The following LGALS8 variants were observed in gnomAD, a reference collection of about 807,000 sequenced individuals.
LGALS8 encodes the protein galectin-8.
A neutral mutation model predicts 35.9 loss-of-function variants in LGALS8; 30 were observed. That is an observed-to-expected ratio of 0.83 (90% CI 0.62 to 1.13). LGALS8 has a LOEUF of 1.13. LGALS8 is among the 50% of genes most tolerant of loss of function. LGALS8 has a pLI of 0.00. For missense variants in LGALS8, 366 were observed against 388.7 expected, an observed-to-expected ratio of 0.94 and a Z score of 0.49; for synonymous variants, 138 against 136.1, an observed-to-expected ratio of 1.01 and a Z score of -0.10.
chr1:236,535,707 G>A (rs1661446938), intron 2 of LGALS8, among the ~76,000 whole-genome samples: 1 of 152,202 alleles, frequency 6.6e-6, no homozygotes, highest in Non-Finnish European at 1.5e-5. Flanking sequence ...TACACTGTCT[G>A]TTGTATTTTT....
chr1:236,538,101 A>AAAAAAAAAAAAAAAAAAAAAAAAAAAAG lies in LGALS8; in HGVS notation c.134+519_134+520insAAAAAAAAAAAAAAAAAAAAAAAAGAAA, dbSNP rs371245157. On this transcript the variant is annotated intron_variant, in intron 3 of 9. Coordinates refer to ENST00000366584, the MANE Select transcript of LGALS8 (RefSeq NM_201544.4). ...GCCTGGGTGACAAAAAAAAAAAAGAAAAAGAAAAAGAATTAGGTATGTCAT... is the reference window on the plus strand; with the variant it reads ...GCCTGGGTGACAAAAAAAAAAAAGAAAAAAAAAAAAAAAAAAAAAAAAAAAAAGAAAGAAAAAGAATTAGGTATGTCAT... 1.6e-3 allele frequency among the ~76,000 whole-genome samples: 151 copies of AAAAAAAAAAAAAAAAAAAAAAAAAAAAG among 96,032 alleles called. 28 individuals carry two copies. Among genetic ancestry groups the AAAAAAAAAAAAAAAAAAAAAAAAAAAAG allele is most frequent in the Non-Finnish European group, 2.8e-3 (125 of 43,898 alleles). The allele number at this position is 96,032 out of a possible 152,430, so 63.0% of individuals were successfully genotyped here. A position where few individuals can be genotyped will look rare whatever the true frequency, so the allele number is the denominator to read the frequency against.
chr1:236,550,746 C>G lies in LGALS8; in HGVS notation c.*2585C>G. On this transcript the variant is annotated 3_prime_UTR_variant, in exon 10 of 10. Coordinates refer to ENST00000366584, the MANE Select transcript of LGALS8 (RefSeq NM_201544.4). ...GAGAGGCTTATGTGGCAGCACAAGC[C>G]AGGTGGGGATTTTGTAAAGAAGTGA... is the stretch of plus-strand genomic sequence containing the variant. The G allele has an allele frequency of 1.7e-6, 1 of 583,088 alleles. No individual in the cohort carries two copies. Among genetic ancestry groups the G allele is most frequent in the Non-Finnish European group, 3.0e-6 (1 of 335,996 alleles). The allele number at this position is 583,088 out of a possible 1,614,324, so 36.1% of individuals were successfully genotyped here.
rs1328074216 is a variant in LGALS8, at chr1:236,544,988, T to G, written c.804+73T>G. On this transcript the variant is annotated intron_variant, in intron 9 of 9. Transcript: ENST00000366584. Reference sequence around the variant, plus strand: ...GCAGGGGTGGGATAAGTGGTCCATTTAAATCAAGTCCTAACTCAGTATGTG... The same window carrying G: ...GCAGGGGTGGGATAAGTGGTCCATTGAAATCAAGTCCTAACTCAGTATGTG... The G allele has an allele frequency of 5.1e-5, 60 of 1,176,964 alleles. No homozygotes were observed. The South Asian group carries it at 8.5e-4, about 17-fold the overall frequency. 72.9% of individuals were successfully genotyped at this position (1,176,964 alleles called of 1,614,324 possible). A position where few individuals can be genotyped will look rare whatever the true frequency, so the allele number is the denominator to read the frequency against.
At position 236,549,487 on chromosome 1, in the gene LGALS8, A is replaced by C. The variant is rs1161188490; in HGVS notation, c.*1326A>C. 2.6e-5 allele frequency: 4 copies of C among 152,534 alleles called. No individual in the cohort carries two copies. The highest frequency in any genetic ancestry group is 9.6e-5 in the African/African-American group (4 of 41,482). 9.4% of individuals were successfully genotyped at this position (152,534 alleles called of 1,614,324 possible). On this transcript the variant is annotated 3_prime_UTR_variant, in exon 10 of 10. Transcript: ENST00000366584. ...ATTTTCAGAACAGATTTTAGATATT[A>C]TTTCTATCCATATATTGAAAAGAAT...
chr1:236,542,852 G>C (rs566402715), intron 7 of LGALS8, 65 bp downstream of exon 7: 9 of 1,614,166 alleles, frequency 5.6e-6, no homozygotes, highest in African/African-American at 1.3e-5. Context: ...AAAATGAACA[G>C]TTTAAACCGT....
chr1:236,519,192 C>A (rs1338531137), upstream of LGALS8, among the ~76,000 whole-genome samples: 1 of 149,832 alleles, frequency 6.7e-6, no homozygotes, highest in African/African-American at 2.5e-5. Context: ...AGTTCAAGAC[C>A]AGCCTGGGCA....
intron 2 of LGALS8, among the ~76,000 whole-genome samples, chr1:236,534,205 G>A (rs1304160707): frequency 6.6e-6 from 1 of 152,178 alleles, no homozygotes; most frequent in Non-Finnish European, 1.5e-5. Context: ...GATATGGAAA[G>A]GGATACCAAT....
At chr1:236,525,811 C>T (rs1331697811) in intron 1 of LGALS8, among the ~76,000 whole-genome samples, 157 bp from the exon 2 acceptor site, 1 of 152,078 alleles carries the variant, frequency 6.6e-6, no homozygotes, top group African/African-American at 2.4e-5. Context: ...AGTATATGAG[C>T]ACACTGGTAA....
chr1:236,519,403 A>G (rs565266001), upstream of LGALS8, among the ~76,000 whole-genome samples: 371 of 152,056 alleles, frequency 2.4e-3, 1 homozygote, highest in African/African-American at 8.6e-3. Context: ...AAAAAAAAAA[A>G]GACTATTTCT....
At position 236,549,235 on chromosome 1, in the gene LGALS8, C is replaced by T. The variant is rs986264839; in HGVS notation, c.*1074C>T. 5.5e-5 allele frequency: 20 copies of T among 362,038 alleles called. No individual in the cohort carries two copies. The East Asian group carries it at 6.7e-4, about 12-fold the overall frequency. The allele number at this position is 362,038 out of a possible 1,614,324, so 22.4% of individuals were successfully genotyped here. On this transcript the variant is annotated 3_prime_UTR_variant, in exon 10 of 10. Transcript: ENST00000366584. Reference sequence around the variant, plus strand: ...GAGATCAAAGCACTCTTCCACTTTACGTGATTAAAATCAAACCTGTATCAG... The same window carrying T: ...GAGATCAAAGCACTCTTCCACTTTATGTGATTAAAATCAAACCTGTATCAG...
chr1:236,534,413 C>T (rs1376622281), intron 2 of LGALS8, among the ~76,000 whole-genome samples: 5 of 152,108 alleles, frequency 3.3e-5, no homozygotes, highest in East Asian at 1.9e-4. Context: ...CTGACTGTGG[C>T]GTAAGCTTGT....
intron 9 of LGALS8, among the ~76,000 whole-genome samples, chr1:236,546,779 CTG>C (rs2103109967): frequency 6.6e-6 from 1 of 152,340 alleles, no homozygotes; most frequent in African/African-American, 2.4e-5. Flanking sequence ...TAGCATCAGG[CTG>C]TGTGTTTTGT....
rs1267245742 is a variant in LGALS8 at position 236,549,983 on chromosome 1, T to C, written c.*1822T>C. The stretch of plus-strand genomic sequence containing the variant: ...ACTTCTATATTAGCTTCAAAGGCTT[T>C]TAAACTCAATGCGAACATTCTACGG... On this transcript the variant is annotated 3_prime_UTR_variant, in exon 10 of 10. Coordinates refer to ENST00000366584, the MANE Select transcript of LGALS8 (RefSeq NM_201544.4). 6.6e-6 allele frequency: 1 copy of C among 152,346 alleles called. No individual in the cohort carries two copies. The highest frequency in any genetic ancestry group is 1.9e-4 in the East Asian group (1 of 5,194). The allele number at this position is 152,346 out of a possible 1,614,324, so 9.4% of individuals were successfully genotyped here.
At chr1:236,535,950 G>A (rs79675366) in intron 2 of LGALS8, among the ~76,000 whole-genome samples, 8 of 152,208 alleles carry the variant, frequency 5.3e-5, no homozygotes, top group African/African-American at 1.7e-4. Flanking sequence ...GTTACCGATC[G>A]TCTCTTGACC....
intron 6 of LGALS8, chr1:236,542,296 C>T (rs1237015101): frequency 5.3e-6 from 1 of 187,924 alleles, no homozygotes; most frequent in African/African-American, 2.4e-5. Context: ...GCCTGGGCCA[C>T]ATAGGGAGAA....
At chr1:236,529,794 G>A (rs950793329) in intron 2 of LGALS8, among the ~76,000 whole-genome samples, 14 of 150,806 alleles carry the variant, frequency 9.3e-5, no homozygotes, top group Admixed American at 4.0e-4. Context: ...GACTACAGGC[G>A]CACACCGCCA....
chr1:236,529,127 A>G (rs1660998713), intron 2 of LGALS8, among the ~76,000 whole-genome samples: 1 of 151,874 alleles, frequency 6.6e-6, no homozygotes, highest in Non-Finnish European at 1.5e-5. Flanking sequence ...AAATACAAAA[A>G]TTAACTGGGG....
chr1:236,542,847 G>A (rs1662094918), intron 7 of LGALS8, 60 bp downstream of exon 7: 1 of 1,614,130 alleles, frequency 6.2e-7, no homozygotes, highest in South Asian at 1.1e-5. Context: ...CATAGAAAAT[G>A]AACAGTTTAA....
intron 7 of LGALS8, 66 bp downstream of exon 7, chr1:236,542,853 TTTAAA>T (rs1410073339): frequency 1.9e-5 from 30 of 1,614,054 alleles, no homozygotes; most frequent in Non-Finnish European, 2.3e-5. Context: ...AAATGAACAG[TTTAAA>T]CCGTGGAGGG....
Sources: allele counts gnomAD v4.1 joint callset (sites outside exome capture counted in the v4.1 genomes callset), GRCh38; gene constraint gnomAD v4.1.1; transcripts MANE v1.5; gene names NCBI Gene and HGNC (gene_info 2026-07-23, HGNC 2026-07-21).